DNAH11: variants seen among roughly 807,000 people sequenced by gnomAD.
The protein encoded by DNAH11 is axonemal beta dynein heavy chain 11.
In DNAH11, 442 loss-of-function variants were observed where a neutral mutation model predicts 526.0. The observed-to-expected ratio is 0.84, with a 90% CI of 0.78 to 0.91. The LOEUF (loss-of-function observed/expected upper bound fraction) is 0.91. DNAH11 is among the 40% of genes least tolerant of loss of function. The pLI is 0.00. For missense variants in DNAH11, 6,989 were observed against 5,448.7 expected (o/e 1.28, Z -8.90); for synonymous variants, 2,461 against 1,935.9 (o/e 1.27, Z -7.12).
At chr7:21,832,935 TA>T (rs200893178) in intron 65 of DNAH11, among the ~76,000 whole-genome samples, 1 of 152,184 alleles carries the variant, frequency 6.6e-6, no homozygotes, top group Non-Finnish European at 1.5e-5. Flanking sequence ...CCTGCTACTT[TA>T]AAAAATAAGT....
rs200441507 is a variant in DNAH11, at chr7:21,873,363, C to T, written c.12057C>T (p.Phe4019=). The T allele has an allele frequency of 1.1e-4, 173 of 1,613,744 alleles. No individual in the cohort carries two copies. Among genetic ancestry groups the T allele is most frequent in the Admixed American group, 5.0e-5 (3 of 59,972 alleles). The part of the protein sequence containing the change: ...SQGSHRDYRV[F]MSAESAPTPD... ...GAAGCCACAGAGATTACAGGGTTTT[C>T]ATGAGTGCTGAGTCTGCACCTACAC... Residue 4019 remains phenylalanine (F), a synonymous_variant, in exon 74 of 82, where the codon TTC becomes TTT. Coordinates refer to ENST00000409508, the MANE Select transcript of DNAH11 (RefSeq NM_001277115.2).
At chr7:21,789,460 C>T (rs1357377097) in intron 61 of DNAH11, 118 bp downstream of exon 61, 1 of 628,848 alleles carries the variant, frequency 1.6e-6, no homozygotes, top group African/African-American at 1.8e-5. Flanking sequence ...GGAATTCGAT[C>T]TTCCATGAGT....
intron 20 of DNAH11, among the ~76,000 whole-genome samples, chr7:21,614,485 A>G (rs1785674193): frequency 6.6e-6 from 1 of 152,176 alleles, no homozygotes; most frequent in African/African-American, 2.4e-5. Flanking sequence ...TAAAGATGAA[A>G]ATTAAGACTT....
At chr7:21,808,102 C>T in intron 63 of DNAH11, 53 bp downstream of exon 63, 2 of 1,329,458 alleles carry the variant, frequency 1.5e-6, no homozygotes, top group South Asian at 2.6e-5. Flanking sequence ...ATTGAAATTT[C>T]AGTAGTAAAA....
rs531242960 is a variant in DNAH11 at position 21,775,436 on chromosome 7, A to G, written c.9336+1437A>G. 3.5e-4 allele frequency among the ~76,000 whole-genome samples: 54 copies of G among 152,126 alleles called. No individual in the cohort carries two copies. The Middle Eastern group carries it at 0.01, about 29-fold the overall frequency. ...GTTTGAGACCAGCCTGGACAACAAA[A>G]TGAGACCCAATCTCTACAAAAGAAT... On this transcript the variant is annotated intron_variant, in intron 56 of 81. Coordinates refer to ENST00000409508, the MANE Select transcript of DNAH11 (RefSeq NM_001277115.2).
intron 28 of DNAH11, among the ~76,000 whole-genome samples, chr7:21,643,429 TAAAGG>T (rs1787210310): frequency 3.3e-5 from 5 of 152,180 alleles, no homozygotes; most frequent in Admixed American, 3.3e-4. Context: ...AACTTCTCCA[TAAAGG>T]TTAGGTTTGG....
chr7:21,727,413 CGTT>C, intron 45 of DNAH11, among the ~76,000 whole-genome samples: 1 of 152,158 alleles, frequency 6.6e-6, no homozygotes, highest in East Asian at 1.9e-4. Flanking sequence ...TCACGTATAA[CGTT>C]CTTCTTATAC....
At chr7:21,775,997 C>T (rs182557040) in intron 56 of DNAH11, among the ~76,000 whole-genome samples, 1 of 152,166 alleles carries the variant, frequency 6.6e-6, no homozygotes, top group Non-Finnish European at 1.5e-5. Context: ...AAGTGGGGTA[C>T]CATCCTGGAC....
chr7:21,552,523 G>T (rs1357910034), intron 2 of DNAH11, among the ~76,000 whole-genome samples: 1 of 152,072 alleles, frequency 6.6e-6, no homozygotes, highest in Admixed American at 6.5e-5. Context: ...ATCTCCATTC[G>T]TCTATGAAAT....
chr7:21,641,557 A>G (rs1170560436), intron 28 of DNAH11, among the ~76,000 whole-genome samples: 11 of 152,196 alleles, frequency 7.2e-5, no homozygotes, highest in Admixed American at 7.2e-4. Flanking sequence ...TCACTCAATG[A>G]ATTCTTGTCA....
chr7:21,842,805 C>T (rs2128016939), intron 66 of DNAH11, 57 bp downstream of exon 66: 5 of 1,403,966 alleles, frequency 3.6e-6, no homozygotes, highest in Non-Finnish European at 4.8e-6. Context: ...GCACAAATCA[C>T]AGTGCTAGAC....
intron 79 of DNAH11, among the ~76,000 whole-genome samples, chr7:21,895,718 C>T (rs556399377): frequency 6.6e-6 from 1 of 152,122 alleles, no homozygotes; most frequent in Non-Finnish European, 1.5e-5. Flanking sequence ...TACATTGTAG[C>T]ATGCACACTT....
intron 65 of DNAH11, among the ~76,000 whole-genome samples, chr7:21,840,854 C>A (rs1391071545): frequency 6.6e-6 from 1 of 152,094 alleles, no homozygotes; most frequent in Non-Finnish European, 1.5e-5. Context: ...TTACAGGAAG[C>A]CAATGCAGAA....
rs557819115 is a variant in DNAH11, at chr7:21,847,497, C to T, written c.10896+4749C>T. 5.3e-5 allele frequency among the ~76,000 whole-genome samples: 8 copies of T among 152,172 alleles called. 1 individual carries two copies. The South Asian group carries it at 6.2e-4, about 12-fold the overall frequency. ...TCTCCAAATATTTTTGAATTTTAAG[C>T]GTTCTGTTACTGATTTCTTACGTAA... is the stretch of plus-strand genomic sequence containing the variant. On this transcript the variant is annotated intron_variant, in intron 66 of 81. Transcript: ENST00000409508.
chr7:21,847,046 C>G (rs112769158), intron 66 of DNAH11, among the ~76,000 whole-genome samples: 84 of 152,236 alleles, frequency 5.5e-4, no homozygotes, highest in African/African-American at 2.0e-3. Flanking sequence ...GCCCCTCTTT[C>G]ATTTCTCATA....
At chr7:21,755,722 G>A (rs1280824680) in intron 54 of DNAH11, among the ~76,000 whole-genome samples, 9 of 152,020 alleles carry the variant, frequency 5.9e-5, no homozygotes, top group Non-Finnish European at 8.8e-5. Flanking sequence ...TACCTCTCAC[G>A]CAGTCTTCTT....
Position 21,636,113 on chromosome 7 carries a change from T to A in DNAH11, c.4725+18T>A. 6.3e-7 allele frequency: 1 copy of A among 1,581,352 alleles called. No individual in the cohort carries two copies. Among genetic ancestry groups the A allele is most frequent in the Non-Finnish European group, 8.6e-7 (1 of 1,159,092 alleles). On this transcript the variant is annotated intron_variant, in intron 26 of 81. Transcript: ENST00000409508. ...AATTTAAGGTTTGTCAAAGACAGGCTGTATGCTATTCTAGCAAAGTTTTGT... is the reference window on the plus strand; with the variant it reads ...AATTTAAGGTTTGTCAAAGACAGGCAGTATGCTATTCTAGCAAAGTTTTGT...
chr7:21,695,423 C>G (rs139725415), intron 35 of DNAH11, among the ~76,000 whole-genome samples: 3 of 152,092 alleles, frequency 2.0e-5, no homozygotes, highest in East Asian at 1.9e-4. Context: ...AGAACGGAGG[C>G]CTCAGAAATA....
At chr7:21,899,555 C>A in intron 80 of DNAH11, 107 bp downstream of exon 80, 1 of 860,994 alleles carries the variant, frequency 1.2e-6, no homozygotes, top group Non-Finnish European at 1.8e-6. Context: ...CTCACCAATC[C>A]TCAAGCAGCA....
Sources: allele counts gnomAD v4.1 joint callset (sites outside exome capture counted in the v4.1 genomes callset), GRCh38; gene constraint gnomAD v4.1.1; transcripts MANE v1.5; gene names NCBI Gene and HGNC (gene_info 2026-07-23, HGNC 2026-07-21).